Variants in TMTC2 observed in about 807,000 individuals in gnomAD.
TMTC2 encodes protein O-mannosyl-transferase TMTC2.
Under a neutral mutation model 82.4 loss-of-function variants are expected in TMTC2, and 43 were observed. The observed-to-expected ratio is 0.52, with a 90% confidence interval of 0.41 to 0.67. The LOEUF is 0.67. TMTC2 is among the 30% of genes least tolerant of loss of function. The pLI, the probability that TMTC2 is intolerant of heterozygous loss-of-function variation, is 0.00. For missense variants in TMTC2, 919 were observed against 1,012.4 expected (o/e 0.91, Z 1.25); for synonymous variants, 408 against 381.9 (o/e 1.07, Z -0.80).
intron 1 of TMTC2, among the ~76,000 whole-genome samples, chr12:82,771,480 T>C (rs1315347674): frequency 6.6e-6 from 1 of 152,170 alleles, no homozygotes; most frequent in African/African-American, 2.4e-5. Context: ...CTGTCACTTA[T>C]CAATTAGATG....
chr12:82,762,008 C>T (rs1876674268), intron 1 of TMTC2, among the ~76,000 whole-genome samples: 1 of 134,912 alleles, frequency 7.4e-6, no homozygotes, highest in Admixed American at 8.2e-5. Flanking sequence ...GCTCTGTTGC[C>T]CAGGCTGGGG....
At chr12:82,982,829 T>C (rs973599641) in intron 7 of TMTC2, among the ~76,000 whole-genome samples, 1 of 151,988 alleles carries the variant, frequency 6.6e-6, no homozygotes, top group African/African-American at 2.4e-5. Flanking sequence ...TGAGTTAAGG[T>C]CAGGTAGCCC....
intron 2 of TMTC2, among the ~76,000 whole-genome samples, chr12:82,892,782 A>T (rs2137174163): frequency 6.6e-6 from 1 of 152,310 alleles, no homozygotes; most frequent in Admixed American, 6.5e-5. Flanking sequence ...CTTTTGGTAC[A>T]AATTCAGAAT....
intron 11 of TMTC2, among the ~76,000 whole-genome samples, chr12:83,080,543 A>G (rs930104290): frequency 6.6e-6 from 1 of 152,200 alleles, no homozygotes; most frequent in Non-Finnish European, 1.5e-5. Flanking sequence ...AAGTCTCCCC[A>G]GTTTTTATAG....
At chr12:83,065,968 A>G (rs973907696) in intron 11 of TMTC2, among the ~76,000 whole-genome samples, 2 of 152,006 alleles carry the variant, frequency 1.3e-5, no homozygotes, top group Admixed American at 6.6e-5. Flanking sequence ...TGGGGAATGT[A>G]ATTGTTTTTA....
At chr12:82,726,718 A>C (rs914379487) in intron 1 of TMTC2, among the ~76,000 whole-genome samples, 4 of 151,934 alleles carry the variant, frequency 2.6e-5, no homozygotes, top group African/African-American at 9.7e-5. Context: ...GTCTCTACTA[A>C]AATTACAAAA....
At chr12:82,824,458 G>T (rs1256524484) in intron 1 of TMTC2, among the ~76,000 whole-genome samples, 1 of 152,198 alleles carries the variant, frequency 6.6e-6, no homozygotes, top group Admixed American at 6.5e-5. Context: ...CACTTAGCAT[G>T]TGCTCAGTAA....
At chr12:83,049,989 G>A (rs1882287010) in intron 9 of TMTC2, among the ~76,000 whole-genome samples, 1 of 151,958 alleles carries the variant, frequency 6.6e-6, no homozygotes. Flanking sequence ...TTATGTTTTT[G>A]TGTGCAACTC....
chr12:82,733,438 A>G (rs1250149391), intron 1 of TMTC2, among the ~76,000 whole-genome samples: 1 of 152,226 alleles, frequency 6.6e-6, no homozygotes, highest in Non-Finnish European at 1.5e-5. Flanking sequence ...GGTGGTCAGC[A>G]TTAAGCAGCT....
intron 3 of TMTC2, among the ~76,000 whole-genome samples, chr12:82,901,205 T>A (rs1342997391): frequency 1.2e-5 from 1 of 84,006 alleles, no homozygotes; most frequent in Non-Finnish European, 2.2e-5. Context: ...ATATCTGGAA[T>A]ATATATATAG....
chr12:83,061,959 TTCTC>T (rs1882762679), intron 11 of TMTC2, 128 bp downstream of exon 11: 2 of 678,610 alleles, frequency 2.9e-6, no homozygotes, highest in South Asian at 6.1e-5. Flanking sequence ...CTTTCTCCCT[TTCTC>T]TCTCTGAGCT....
chr12:82,764,683 C>T (rs894023580), intron 1 of TMTC2, among the ~76,000 whole-genome samples: 16 of 152,096 alleles, frequency 1.1e-4, no homozygotes, highest in East Asian at 3.9e-4. Flanking sequence ...AAGGACACCA[C>T]GCCGGGGAGA....
At chr12:82,851,863 ATTAC>A (rs1259972605) in intron 1 of TMTC2, among the ~76,000 whole-genome samples, 1 of 151,964 alleles carries the variant, frequency 6.6e-6, no homozygotes, top group East Asian at 1.9e-4. Context: ...ACTACTGGTC[ATTAC>A]TTACATGGGT....
At chr12:82,775,981 T>C (rs890481844) in intron 1 of TMTC2, among the ~76,000 whole-genome samples, 1 of 152,054 alleles carries the variant, frequency 6.6e-6, no homozygotes, top group African/African-American at 2.4e-5. Flanking sequence ...CATAATTTCC[T>C]CTCAAAGTTG....
At chr12:82,826,945 T>C (rs2137071169) in intron 1 of TMTC2, among the ~76,000 whole-genome samples, 1 of 152,340 alleles carries the variant, frequency 6.6e-6, no homozygotes, top group East Asian at 1.9e-4. Context: ...TGTATCTATT[T>C]TTTAAAGCTT....
intron 1 of TMTC2, among the ~76,000 whole-genome samples, chr12:82,799,041 G>A (rs560625923): frequency 1.2e-3 from 190 of 152,114 alleles, no homozygotes; most frequent in African/African-American, 4.3e-3. Context: ...AAGTTCCTCC[G>A]TCTGCCAGTC....
At chr12:83,044,638 A>G (rs1041119887) in intron 9 of TMTC2, among the ~76,000 whole-genome samples, 1 of 152,210 alleles carries the variant, frequency 6.6e-6, no homozygotes, top group African/African-American at 2.4e-5. Context: ...ATGATTCTGG[A>G]CACATTTCTG....
intron 11 of TMTC2, among the ~76,000 whole-genome samples, chr12:83,073,246 T>C (rs1883177302): frequency 6.6e-6 from 1 of 152,158 alleles, no homozygotes; most frequent in Admixed American, 6.5e-5. Flanking sequence ...TGCTTAGTTT[T>C]GCTGGATACA....
intron 1 of TMTC2, among the ~76,000 whole-genome samples, chr12:82,687,893 CCTTG>C (rs2136877890): frequency 6.6e-6 from 1 of 152,318 alleles, no homozygotes; most frequent in East Asian, 1.9e-4. Flanking sequence ...AGGTTCTCTC[CCTTG>C]CTTCTCGGCT....
Sources: gnomAD v4.1 joint callset for allele counts (sites outside exome capture counted in the v4.1 genomes callset) on GRCh38, gnomAD v4.1.1 for gene constraint, MANE v1.5 for transcripts, NCBI Gene and HGNC (gene_info 2026-07-23, HGNC 2026-07-21) for gene names.